CACNA1D: variants seen among roughly 807,000 people sequenced by gnomAD.
CACNA1D encodes calcium voltage-gated channel subunit alpha1 D, also known as voltage-dependent L-type calcium channel subunit alpha-1D.
CACNA1D carries 55 observed loss-of-function variants against 257.1 expected under a neutral mutation model. The observed-to-expected ratio is 0.21, with a 90% CI of 0.17 to 0.27. The LOEUF (loss-of-function observed/expected upper bound fraction) is 0.27. Ranked by LOEUF, CACNA1D falls within the 10% of genes least tolerant of loss-of-function variation. The pLI, the probability that CACNA1D is intolerant of heterozygous loss-of-function variation, is 1.00. For synonymous variants in CACNA1D, 980 were observed against 1,014.9 expected, an observed-to-expected ratio of 0.97 and a Z score of 0.65; for missense variants, 1,876 against 2,784.0, an observed-to-expected ratio of 0.67 and a Z score of 7.34.
At chr3:53,728,337 C>G (rs984325907) in intron 15 of CACNA1D, among the ~76,000 whole-genome samples, 1 of 152,118 alleles carries the variant, frequency 6.6e-6, no homozygotes, top group African/African-American at 2.4e-5. Context: ...TGGGGTTTCT[C>G]CATGTTAACC....
At chr3:53,771,498 GGGT>G (rs1232238149) in intron 32 of CACNA1D, among the ~76,000 whole-genome samples, 2 of 152,316 alleles carry the variant, frequency 1.3e-5, no homozygotes, top group Admixed American at 1.3e-4. Flanking sequence ...ACAGCAAGCG[GGGT>G]GGTGCAGGCA....
chr3:53,565,293 C>CTT (rs2092814176), intron 3 of CACNA1D, among the ~76,000 whole-genome samples: 1 of 152,110 alleles, frequency 6.6e-6, no homozygotes, highest in Admixed American at 6.6e-5. Flanking sequence ...GTTTCCTACT[C>CTT]TTTAAAAGCA....
rs147916220 is a variant in CACNA1D at position 53,497,319 on chromosome 3, T to A, written c.235T>A (p.Ser79Thr). 1.2e-6 allele frequency: 2 copies of A among 1,614,056 alleles called. No homozygotes were observed. The highest frequency in any genetic ancestry group is 2.2e-5 in the South Asian group (2 of 91,064). The change falls in exon 2 of 48, where the codon TCT (serine) becomes ACT (threonine). Residue 79 changes from serine to threonine, a missense_variant. This residue lies in a region of CACNA1D where 143 missense variants were observed against 168.7 expected (regional missense o/e 0.85). Transcript: ENST00000350061. The stretch of plus-strand genomic sequence containing the variant: ...CACCTCTGCACCCCCACCTGTAGGA[T>A]CTCTCTCCCAAAGAAAACGTCAGCA... Reference protein sequence around the residue: ...MSTSAPPPVGSLSQRKRQQYA... With the variant: ...MSTSAPPPVGTLSQRKRQQYA...
At chr3:53,526,813 AG>A (rs2091782082) in intron 3 of CACNA1D, among the ~76,000 whole-genome samples, 1 of 152,228 alleles carries the variant, frequency 6.6e-6, no homozygotes, top group African/African-American at 2.4e-5. Flanking sequence ...GATTTGAGTA[AG>A]GCATGGCACC....
At position 53,701,124 on chromosome 3, in the gene CACNA1D, T is replaced by TTTG. The variant is rs200488217; in HGVS notation, c.1221-1505_1221-1503dup. Among the ~76,000 whole-genome samples the TTTG allele has an allele frequency of 4.3e-3, 651 of 150,848 alleles. 27 individuals are homozygous for TTTG. The East Asian group carries it at 0.084, about 20-fold the overall frequency. ...AGACGGGTGTGAATATGGGGTTAGT[T>TTTG]TTGTTGTTGTTGTTATTATTATTAT... On this transcript the variant is annotated intron_variant, in intron 8 of 47. Coordinates refer to ENST00000350061, the MANE Select transcript of CACNA1D (RefSeq NM_001128840.3).
chr3:53,583,783 A>G (rs1184644080), intron 3 of CACNA1D, among the ~76,000 whole-genome samples: 1 of 151,932 alleles, frequency 6.6e-6, no homozygotes, highest in Non-Finnish European at 1.5e-5. Context: ...AGAGAGCTGT[A>G]AGGTGCTGGA....
At chr3:53,516,769 A>G (rs1188068867) in intron 3 of CACNA1D, among the ~76,000 whole-genome samples, 1 of 152,196 alleles carries the variant, frequency 6.6e-6, no homozygotes, top group Non-Finnish European at 1.5e-5. Flanking sequence ...TGTGTTGCCT[A>G]TCTGGACGAC....
In CACNA1D at chr3:53,673,484, G is replaced by A. The variant is rs1261017400; in HGVS notation, c.1220+358G>A. On this transcript the variant is annotated intron_variant, in intron 8 of 47. Transcript: ENST00000350061. This position sits in a 1 kb window ranked among gnomAD's most constrained non-coding sequence, Gnocchi z 4.1. Reference sequence around the variant, plus strand: ...GCAGATTAATTGTTATAAAACGATAGCAAAATGAGCTGGATTGGGTGGGCT... The same window carrying A: ...GCAGATTAATTGTTATAAAACGATAACAAAATGAGCTGGATTGGGTGGGCT... 6.6e-6 allele frequency among the ~76,000 whole-genome samples: 1 copy of A among 151,230 alleles called. No homozygotes were observed. The highest frequency in any genetic ancestry group is 6.6e-5 in the Admixed American group (1 of 15,154).
intron 2 of CACNA1D, 97 bp downstream of exon 2, chr3:53,497,558 C>A: frequency 8.0e-7 from 1 of 1,255,050 alleles, no homozygotes; most frequent in South Asian, 1.2e-5. Flanking sequence ...CTGTAGCAGT[C>A]TGGAATGCGA....
chr3:53,753,748 G>C (rs2095244661), intron 29 of CACNA1D, 66 bp downstream of exon 29: 1 of 925,254 alleles, frequency 1.1e-6, no homozygotes. Context: ...CCCGCTTCCT[G>C]TTAGTCTTGT....
chr3:53,643,238 T>C (rs2093981588), intron 3 of CACNA1D, among the ~76,000 whole-genome samples: 1 of 152,170 alleles, frequency 6.6e-6, no homozygotes, highest in Non-Finnish European at 1.5e-5. Flanking sequence ...GTTGTTCCTC[T>C]AAGTGCATAC....
intron 3 of CACNA1D, among the ~76,000 whole-genome samples, chr3:53,647,105 A>G (rs1388102380): frequency 6.8e-6 from 1 of 146,724 alleles, no homozygotes; most frequent in Non-Finnish European, 1.5e-5. Context: ...TAGTGGCTTG[A>G]GTTCTCGTGG....
chr3:53,719,804 T>C (rs1260238155), intron 11 of CACNA1D, 23 bp downstream of exon 11: 2 of 1,609,076 alleles, frequency 1.2e-6, no homozygotes, highest in African/African-American at 2.7e-5. Flanking sequence ...TTTCTGTTTC[T>C]TCGTCAGCCT....
intron 8 of CACNA1D, among the ~76,000 whole-genome samples, chr3:53,685,325 A>G (rs2094465079): frequency 6.6e-6 from 1 of 152,210 alleles, no homozygotes. Context: ...ACATGAAGCA[A>G]AAGTTGTTAA....
intron 45 of CACNA1D, among the ~76,000 whole-genome samples, chr3:53,806,071 C>T (rs889633779): frequency 7.0e-6 from 1 of 141,950 alleles, no homozygotes; most frequent in African/African-American, 2.7e-5. Flanking sequence ...CCCTCATTTT[C>T]TCTCATCTTC....
At chr3:53,732,341 G>GC (rs1474606350) in intron 18 of CACNA1D, among the ~76,000 whole-genome samples, 1 of 152,184 alleles carries the variant, frequency 6.6e-6, no homozygotes, top group African/African-American at 2.4e-5. Context: ...GGTCCAGGAG[G>GC]CCCCCCGGTG....
intron 3 of CACNA1D, among the ~76,000 whole-genome samples, chr3:53,580,331 C>T (rs186973655): frequency 5.2e-5 from 8 of 152,384 alleles, no homozygotes; most frequent in Admixed American, 5.2e-4. Flanking sequence ...TCGTGTTCCA[C>T]TGACAGTGAG....
chr3:53,729,253 C>T (rs2094964463), intron 15 of CACNA1D, among the ~76,000 whole-genome samples: 2 of 152,200 alleles, frequency 1.3e-5, no homozygotes, highest in South Asian at 2.1e-4. Context: ...AATTCACTTA[C>T]GTTTCTCTCC....
Position 53,809,949 on chromosome 3 carries a change from G to A in CACNA1D, c.5872-29G>A, listed in dbSNP as rs200831586. 1,108 of 1,607,996 alleles carry A rather than the reference G, an allele frequency of 6.9e-4. 7 individuals carry two copies. Among genetic ancestry groups the A allele is most frequent in the Non-Finnish European group, 7.9e-5 (93 of 1,174,602 alleles). ...GAGGCCCGGACCTCTGAGAACCTCT[G>A]GTCTCCCAACAGTCCCCTCTTTCCT... On this transcript the variant is annotated intron_variant, in intron 46 of 47. Coordinates refer to ENST00000350061, the MANE Select transcript of CACNA1D (RefSeq NM_001128840.3).
Sources: allele counts gnomAD v4.1 joint callset (sites outside exome capture counted in the v4.1 genomes callset), GRCh38; gene constraint gnomAD v4.1.1; regional missense constraint gnomAD v4.1.1; non-coding constraint Gnocchi (gnomAD v3.1); transcripts MANE v1.5; gene names NCBI Gene and HGNC (gene_info 2026-07-23, HGNC 2026-07-21).